The following SLC14A2 variants were observed in gnomAD, a reference collection of about 807,000 sequenced individuals.
SLC14A2 encodes the protein urea transporter 2.
A neutral mutation model predicts 104.6 loss-of-function variants in SLC14A2; 91 were observed. The observed-to-expected ratio is 0.87, with a 90% CI of 0.73 to 1.04. The LOEUF (loss-of-function observed/expected upper bound fraction) is 1.04, where lower values mean the gene tolerates loss of function less well. Among genes scored for constraint, SLC14A2 ranks in the 50% least tolerant of loss-of-function variants. The pLI, the probability that SLC14A2 is intolerant of heterozygous loss-of-function variation, is 0.00. For missense variants in SLC14A2, 1,189 were observed against 1,156.0 expected (o/e 1.03, Z -0.41); for synonymous variants, 476 against 466.4 (o/e 1.02, Z -0.27).
intron 1 of SLC14A2, among the ~76,000 whole-genome samples, chr18:45,379,838 A>T (rs530347903): frequency 7.2e-5 from 11 of 152,334 alleles, no homozygotes; most frequent in African/African-American, 2.6e-4. Flanking sequence ...CATGTACTTC[A>T]TTTCATACAT....
chr18:45,575,111 A>C (rs2044401175), intron 2 of SLC14A2, among the ~76,000 whole-genome samples: 1 of 152,198 alleles, frequency 6.6e-6, no homozygotes, highest in South Asian at 2.1e-4. Flanking sequence ...CCACGTGAGC[A>C]CTATTTCTGG....
chr18:45,353,244 A>G (rs2085520319), intron 1 of SLC14A2, among the ~76,000 whole-genome samples: 1 of 152,240 alleles, frequency 6.6e-6, no homozygotes, highest in South Asian at 2.1e-4. Flanking sequence ...AGGGCGGACT[A>G]CAAATGGTAG....
chr18:45,552,385 C>G (rs1268302317), intron 2 of SLC14A2, among the ~76,000 whole-genome samples: 2 of 152,032 alleles, frequency 1.3e-5, no homozygotes, highest in East Asian at 3.9e-4. Context: ...TCCCCCACCC[C>G]CTGCATTTTC....
At chr18:45,624,293 G>A (rs2045223445) in intron 1 of SLC14A2, among the ~76,000 whole-genome samples, 1 of 152,112 alleles carries the variant, frequency 6.6e-6, no homozygotes, top group Admixed American at 6.5e-5. Context: ...GAACATACGT[G>A]TACCACTAAC....
chr18:45,657,678 T>C (rs1334149687), intron 10 of SLC14A2, among the ~76,000 whole-genome samples: 1 of 152,220 alleles, frequency 6.6e-6, no homozygotes, highest in Non-Finnish European at 1.5e-5. Context: ...CTATGTCTTA[T>C]CTACACTCAG....
At chr18:45,225,666 G>C (rs758634787) in intron 1 of SLC14A2, among the ~76,000 whole-genome samples, 10 of 152,002 alleles carry the variant, frequency 6.6e-5, no homozygotes, top group Non-Finnish European at 1.0e-4. Flanking sequence ...CTTTTATTTC[G>C]TTGAGCAGTG....
intron 1 of SLC14A2, among the ~76,000 whole-genome samples, chr18:45,224,867 G>T (rs573277742): frequency 6.6e-6 from 1 of 152,162 alleles, no homozygotes; most frequent in Non-Finnish European, 1.5e-5. Flanking sequence ...GAAGGCTAAT[G>T]AGGGTAGTTC....
rs117890894 is a variant in SLC14A2 at position 45,327,672 on chromosome 18, A to G, written c.-125+114481A>G. Among the ~76,000 whole-genome samples the G allele has an allele frequency of 9.8e-3, 1,485 of 152,234 alleles. 10 individuals carry two copies. The highest frequency in any genetic ancestry group is 0.016 in the Non-Finnish European group (1,082 of 68,014). ...GTGTCTGGCTTCTTTCACACAGCAT[A>G]AGGTTTTCAAGGTTCGTCTACGTTG... On this transcript the variant is annotated intron_variant, in intron 1 of 20. Coordinates refer to the SLC14A2 transcript ENST00000586448.
chr18:45,220,507 T>A (rs2084051188), intron 1 of SLC14A2, among the ~76,000 whole-genome samples: 1 of 152,182 alleles, frequency 6.6e-6, no homozygotes, highest in South Asian at 2.1e-4. Context: ...TAAACTTGCC[T>A]GTCTTAAGCT....
intron 1 of SLC14A2, among the ~76,000 whole-genome samples, chr18:45,286,718 T>TTG (rs112827861): frequency 0.034 from 5,060 of 150,692 alleles, 125 homozygotes; most frequent in Non-Finnish European, 0.048. Flanking sequence ...TCCCCCCAAC[T>TTG]TGTGTGTGTG....
intron 1 of SLC14A2, among the ~76,000 whole-genome samples, chr18:45,479,015 C>T (rs1479136630): frequency 2.0e-5 from 3 of 152,232 alleles, no homozygotes; most frequent in African/African-American, 4.8e-5. Flanking sequence ...ACTCTGTGCT[C>T]TGCGAGCTTT....
At chr18:45,670,540 A>C (rs1402001212) in intron 16 of SLC14A2, among the ~76,000 whole-genome samples, 1 of 152,196 alleles carries the variant, frequency 6.6e-6, no homozygotes, top group Non-Finnish European at 1.5e-5. Context: ...CTTTCTCTAA[A>C]ATAATGATGC....
chr18:45,215,771 A>C (rs574209874), intron 1 of SLC14A2, among the ~76,000 whole-genome samples: 1 of 152,220 alleles, frequency 6.6e-6, no homozygotes, highest in Non-Finnish European at 1.5e-5. Flanking sequence ...TAATATTCTA[A>C]GGACTAAGCC....
chr18:45,473,837 G>C (rs1384936679), intron 1 of SLC14A2, among the ~76,000 whole-genome samples: 1 of 152,144 alleles, frequency 6.6e-6, no homozygotes, highest in South Asian at 2.1e-4. Context: ...GAAACAATTT[G>C]ACTTCCTCTC....
chr18:45,203,236 A>G, the SLC14A2 span, among the ~76,000 whole-genome samples: 1 of 152,160 alleles, frequency 6.6e-6, no homozygotes, highest in South Asian at 2.1e-4. Flanking sequence ...CCAGGAAAAC[A>G]AGCCCCTGGA....
At chr18:45,447,982 T>C (rs1000460766) in intron 1 of SLC14A2, among the ~76,000 whole-genome samples, 9 of 152,208 alleles carry the variant, frequency 5.9e-5, no homozygotes, top group Non-Finnish European at 1.3e-4. Context: ...ACCTTAACAG[T>C]GTTGTAAAAT....
upstream of SLC14A2, among the ~76,000 whole-genome samples, chr18:45,613,078 A>T (rs1395323047): frequency 1.3e-5 from 2 of 152,142 alleles, no homozygotes; most frequent in Non-Finnish European, 2.9e-5. Context: ...TCTGTCGCCC[A>T]GGCTGGAGTG....
intron 1 of SLC14A2, among the ~76,000 whole-genome samples, chr18:45,411,355 C>G (rs891699923): frequency 6.6e-6 from 1 of 152,178 alleles, no homozygotes; most frequent in African/African-American, 2.4e-5. Context: ...GGAATCTCAT[C>G]AACTCAGTCT....
chr18:45,298,851 G>A (rs1234233088), intron 1 of SLC14A2, among the ~76,000 whole-genome samples: 1 of 151,992 alleles, frequency 6.6e-6, no homozygotes, highest in Non-Finnish European at 1.5e-5. Context: ...ATTCCTTTTT[G>A]AATATGACAA....
Sources: allele counts gnomAD v4.1 joint callset (sites outside exome capture counted in the v4.1 genomes callset), GRCh38; gene constraint gnomAD v4.1.1; transcripts MANE v1.5; gene names NCBI Gene and HGNC (gene_info 2026-07-23, HGNC 2026-07-21).